Variants in SPMIP2 observed in about 807,000 individuals in gnomAD.
SPMIP2 encodes the protein protein SPMIP2.
At chr4:158,926,999 ATAAAAT>A in the SPMIP2 span, among the ~76,000 whole-genome samples, 1 of 152,220 alleles carries the variant, frequency 6.6e-6, no homozygotes, top group East Asian at 1.9e-4. Context: ...TGAATCTAAA[ATAAAAT>A]TAAATTTACA....
At chr4:158,966,351 A>T in the SPMIP2 span, among the ~76,000 whole-genome samples, 6 of 152,342 alleles carry the variant, frequency 3.9e-5, no homozygotes, top group Admixed American at 6.5e-5. Context: ...ATTTACAATG[A>T]TTTAAGAATT....
chr4:158,990,759 T>C, the SPMIP2 span, among the ~76,000 whole-genome samples: 1 of 152,176 alleles, frequency 6.6e-6, no homozygotes, highest in East Asian at 1.9e-4. Context: ...AGGAGAGGGA[T>C]AGCATTAGGA....
chr4:159,055,886 C>G, the SPMIP2 span, among the ~76,000 whole-genome samples: 2 of 152,028 alleles, frequency 1.3e-5, no homozygotes, highest in Non-Finnish European at 2.9e-5. Context: ...GTTTTTAAAG[C>G]AAAGGATAAA....
chr4:158,983,324 C>G, the SPMIP2 span, among the ~76,000 whole-genome samples: 3 of 151,700 alleles, frequency 2.0e-5, no homozygotes, highest in South Asian at 2.1e-4. Flanking sequence ...CACAGAGATA[C>G]TCCTTGAGAA....
At chr4:159,040,414 G>A in the SPMIP2 span, among the ~76,000 whole-genome samples, 1 of 151,754 alleles carries the variant, frequency 6.6e-6, no homozygotes, top group Admixed American at 6.6e-5. Flanking sequence ...CTCGTGATCC[G>A]CCCACCTCGG....
the SPMIP2 span, among the ~76,000 whole-genome samples, chr4:159,038,418 G>C: frequency 5.3e-5 from 8 of 152,180 alleles, no homozygotes; most frequent in African/African-American, 1.9e-4. Flanking sequence ...ATGTGCGTCA[G>C]GGCCATGTAC....
the SPMIP2 span, among the ~76,000 whole-genome samples, chr4:158,999,594 AT>A: frequency 6.6e-6 from 1 of 152,334 alleles, no homozygotes; most frequent in Middle Eastern, 3.4e-3. Context: ...GAATCTTTAC[AT>A]TTTTTGGTAT....
At chr4:159,068,538 AT>A in the SPMIP2 span, among the ~76,000 whole-genome samples, 5 of 151,954 alleles carry the variant, frequency 3.3e-5, no homozygotes, top group East Asian at 9.7e-4. Flanking sequence ...GAGGGATAGC[AT>A]TTGGAGATAT....
At chr4:159,070,377 C>T in the SPMIP2 span, among the ~76,000 whole-genome samples, 116 of 152,208 alleles carry the variant, frequency 7.6e-4, no homozygotes, top group East Asian at 2.9e-3. Context: ...AATGTAAATA[C>T]GTTTTAAAGT....
At chr4:159,026,568 C>A in the SPMIP2 span, 1 of 483,470 alleles carries the variant, frequency 2.1e-6, no homozygotes, top group Non-Finnish European at 3.9e-6. Flanking sequence ...CTATGAAAAT[C>A]AACAAGCTCA....
the SPMIP2 span, among the ~76,000 whole-genome samples, chr4:159,020,955 G>T: frequency 6.6e-6 from 1 of 152,116 alleles, no homozygotes; most frequent in Non-Finnish European, 1.5e-5. Flanking sequence ...TGGAGACGGG[G>T]TTTCACCGTA....
the SPMIP2 span, among the ~76,000 whole-genome samples, chr4:159,009,829 T>C: frequency 6.6e-6 from 1 of 151,790 alleles, no homozygotes; most frequent in Non-Finnish European, 1.5e-5. Flanking sequence ...AATGCAAAAT[T>C]ACAAAAATTA....
At chr4:158,928,505 G>A in the SPMIP2 span, among the ~76,000 whole-genome samples, 3 of 152,038 alleles carry the variant, frequency 2.0e-5, no homozygotes, top group Non-Finnish European at 4.4e-5. Flanking sequence ...CTAATCTGGT[G>A]GGGAGGTGGA....
At chr4:159,057,854 T>G in the SPMIP2 span, among the ~76,000 whole-genome samples, 47 of 152,236 alleles carry the variant, frequency 3.1e-4, no homozygotes, top group South Asian at 6.2e-4. Flanking sequence ...AAAATGGCAA[T>G]TGTAAGTTGG....
the SPMIP2 span, among the ~76,000 whole-genome samples, chr4:158,948,344 G>A: frequency 6.6e-6 from 1 of 152,066 alleles, no homozygotes; most frequent in Admixed American, 6.5e-5. Context: ...ATAGATGCCT[G>A]AAATTTTCTT....
the SPMIP2 span, among the ~76,000 whole-genome samples, chr4:159,010,021 A>G: frequency 0.35 from 52,497 of 151,932 alleles, 9,684 homozygotes; most frequent in East Asian, 0.43. Flanking sequence ...ACAAAAAACA[A>G]AAACTACTCC....
At chr4:158,976,343 G>A in the SPMIP2 span, among the ~76,000 whole-genome samples, 47 of 152,328 alleles carry the variant, frequency 3.1e-4, no homozygotes, top group Admixed American at 1.1e-3. Flanking sequence ...AGTGGTGAGA[G>A]AGGGCATCCT....
the SPMIP2 span, among the ~76,000 whole-genome samples, chr4:158,898,002 G>A: frequency 3.9e-5 from 6 of 152,266 alleles, no homozygotes; most frequent in African/African-American, 1.4e-4. Flanking sequence ...TCCATCTTGA[G>A]TTAATTTTTG....
chr4:159,041,370 A>T, the SPMIP2 span, among the ~76,000 whole-genome samples: 26,711 of 152,166 alleles, frequency 0.18, 2,733 homozygotes, highest in African/African-American at 0.28. Context: ...ACACATTTAA[A>T]AAACAACAGA....
Sources: gnomAD v4.1 joint callset for allele counts (sites outside exome capture counted in the v4.1 genomes callset) on GRCh38, gnomAD v4.1.1 for gene constraint, MANE v1.5 for transcripts, NCBI Gene and HGNC (gene_info 2026-07-23, HGNC 2026-07-21) for gene names.